Variants in STXBP5 observed in about 807,000 individuals in gnomAD.
The protein encoded by STXBP5 is syntaxin binding protein 5.
Under a neutral mutation model 152.4 loss-of-function variants are expected in STXBP5, and 50 were observed. The observed-to-expected ratio is 0.33, with a 90% CI of 0.26 to 0.42. The LOEUF is 0.42. STXBP5 is among the 10% of genes least tolerant of loss of function. The probability of loss-of-function intolerance (pLI) is 1.00; values close to 1 mark genes in which losing one functional copy is unlikely to be tolerated. For synonymous variants in STXBP5, 492 were observed against 494.7 expected, an observed-to-expected ratio of 0.99 and a Z score of 0.07; for missense variants, 1,167 against 1,388.6, an observed-to-expected ratio of 0.84 and a Z score of 2.54.
chr6:147,205,853 A>C, intron 1 of STXBP5, 118 bp from the exon 2 acceptor site: 1 of 676,870 alleles, frequency 1.5e-6, no homozygotes, highest in Non-Finnish European at 2.6e-6. Flanking sequence ...CAGTAAGTGC[A>C]TGTGTATGTG....
chr6:147,230,839 A>G (rs927756505), intron 2 of STXBP5, among the ~76,000 whole-genome samples: 1 of 151,840 alleles, frequency 6.6e-6, no homozygotes, highest in Non-Finnish European at 1.5e-5. Context: ...ATTTGTAAAA[A>G]CAGAGCTTAT....
chr6:147,363,934 A>G (rs1010362145), intron 24 of STXBP5, 67 bp from the exon 25 acceptor site: 28 of 1,510,436 alleles, frequency 1.9e-5, no homozygotes, highest in Non-Finnish European at 2.4e-5. Context: ...GCCATTTTTA[A>G]CAATGATAGT....
At chr6:147,303,515 C>T (rs1004728384) in intron 9 of STXBP5, among the ~76,000 whole-genome samples, 1 of 152,070 alleles carries the variant, frequency 6.6e-6, no homozygotes, top group South Asian at 2.1e-4. Context: ...GGAGAACTAA[C>T]TAATACAGTA....
Position 147,373,857 on chromosome 6 carries a change from T to G in STXBP5, c.3193+15T>G. 1 of 1,581,474 alleles carries G rather than the reference T, an allele frequency of 6.3e-7. No individual in the cohort carries two copies. Among genetic ancestry groups the G allele is most frequent in the Non-Finnish European group, 8.7e-7 (1 of 1,152,014 alleles). Reference sequence around the variant, plus strand: ...AGAAGAACTATGTAAGTTGATTTATTTAATTCGGATAATATATCTATAAAA... The same window carrying G: ...AGAAGAACTATGTAAGTTGATTTATGTAATTCGGATAATATATCTATAAAA... On this transcript the variant is annotated intron_variant, in intron 26 of 27. Transcript: ENST00000321680.
chr6:147,355,090 C>T (rs1326563058), intron 22 of STXBP5, among the ~76,000 whole-genome samples: 1 of 152,144 alleles, frequency 6.6e-6, no homozygotes, highest in African/African-American at 2.4e-5. Context: ...CAGCACTGTA[C>T]TTGCACTATA....
chr6:147,224,165 C>A (rs1777595084), intron 2 of STXBP5, among the ~76,000 whole-genome samples: 1 of 152,220 alleles, frequency 6.6e-6, no homozygotes, highest in Non-Finnish European at 1.5e-5. Context: ...ATGGCACATG[C>A]CTGTAATCTC....
intron 17 of STXBP5, among the ~76,000 whole-genome samples, chr6:147,326,067 T>A (rs1783239154): frequency 2.0e-5 from 3 of 152,154 alleles, no homozygotes; most frequent in Admixed American, 6.5e-5. Flanking sequence ...ATCCGCAGAT[T>A]TTAGTATCTG....
chr6:147,370,172 A>G (rs1286856113), intron 25 of STXBP5, among the ~76,000 whole-genome samples: 1 of 152,112 alleles, frequency 6.6e-6, no homozygotes, highest in Non-Finnish European at 1.5e-5. Flanking sequence ...TTCTATTTAT[A>G]TAAAAACTCA....
intron 7 of STXBP5, among the ~76,000 whole-genome samples, chr6:147,269,275 G>T (rs1373866575): frequency 6.6e-6 from 1 of 152,158 alleles, no homozygotes; most frequent in Non-Finnish European, 1.5e-5. Flanking sequence ...TGTTGTTGCA[G>T]TGGTGGAACT....
chr6:147,363,506 C>G lies in STXBP5; in HGVS notation c.2717C>G (p.Ser906Cys), dbSNP rs1785158984. The change falls in exon 24 of 28, where the codon TCT becomes TGT. Residue 906 changes from serine to cysteine, a missense_variant. Physicochemically the swap from Ser to Cys is moderately radical, Grantham distance 112. This residue lies in a region of STXBP5 where 833 missense variants were observed against 986.3 expected (regional missense o/e 0.84). Transcript: ENST00000321680. ...CCTGTCTCAGTATCCCCCTCCTCTT[C>G]TCAGGAAATTAGTGAAAACCAGTAT... Reference protein sequence around the residue: ...RRPVSVSPSSSQEISENQYAV... With the variant: ...RRPVSVSPSSCQEISENQYAV... The G allele has an allele frequency of 6.2e-7, 1 of 1,613,948 alleles. No individual in the cohort carries two copies. Among genetic ancestry groups the G allele is most frequent in the Admixed American group, 1.7e-5 (1 of 59,976 alleles).
chr6:147,262,066 T>C (rs984437410), intron 5 of STXBP5, among the ~76,000 whole-genome samples: 2 of 151,980 alleles, frequency 1.3e-5, no homozygotes, highest in Non-Finnish European at 2.9e-5. Context: ...GCAGAAAGTG[T>C]ACTTAATTGT....
intron 9 of STXBP5, among the ~76,000 whole-genome samples, chr6:147,303,693 G>T (rs558723289): frequency 6.6e-6 from 1 of 152,296 alleles, no homozygotes; most frequent in Admixed American, 6.5e-5. Context: ...TCAGAAGACC[G>T]AAAGATATGG....
chr6:147,307,021 G>A (rs539374752), intron 9 of STXBP5, among the ~76,000 whole-genome samples: 46 of 152,300 alleles, frequency 3.0e-4, no homozygotes, highest in African/African-American at 7.7e-4. Context: ...ATGGAGCTGA[G>A]TTTAACAAAT....
At chr6:147,300,736 G>C (rs1448319432) in intron 9 of STXBP5, among the ~76,000 whole-genome samples, 5 of 152,024 alleles carry the variant, frequency 3.3e-5, no homozygotes, top group Non-Finnish European at 5.9e-5. Context: ...TCACGATATG[G>C]GACTGGGCAA....
Position 147,363,077 on chromosome 6 carries a change from G to T in STXBP5, c.2546-258G>T, listed in dbSNP as rs188434703. Among the ~76,000 whole-genome samples, 495 of 152,238 alleles carry T rather than the reference G, an allele frequency of 3.3e-3. 1 individual carries two copies. The highest frequency in any genetic ancestry group is 6.3e-3 in the Admixed American group (96 of 15,288). Reference sequence around the variant, plus strand: ...TTATTCATTTAAAGATCAGATATGTGTTTGCAAAATTTATCATATGTAATT... The same window carrying T: ...TTATTCATTTAAAGATCAGATATGTTTTTGCAAAATTTATCATATGTAATT... On this transcript the variant is annotated intron_variant, in intron 23 of 27. Transcript: ENST00000321680.
chr6:147,387,903 G>A lies in STXBP5; in HGVS notation c.*3148G>A, dbSNP rs1786417989. ...TGTTACATACTTTTAGGTTACAGGG[G>A]TGCTGGGGAGACAGCTGAGGAAAGG... On this transcript the variant is annotated 3_prime_UTR_variant, in exon 28 of 28. Transcript: ENST00000321680. 1 of 151,630 alleles carries A rather than the reference G, an allele frequency of 6.6e-6. No homozygotes were observed. The highest frequency in any genetic ancestry group is 6.6e-5 in the Admixed American group (1 of 15,184). The allele number at this position is 151,630 out of a possible 1,614,324, so 9.4% of individuals were successfully genotyped here. A position where few individuals can be genotyped will look rare whatever the true frequency, so the allele number is the denominator to read the frequency against.
In STXBP5 at chr6:147,372,406, CCTT is replaced by C. The variant is rs1785589035; in HGVS notation, c.3082-1324_3082-1322del. Among the ~76,000 whole-genome samples, 16 of 39,108 alleles carry C rather than the reference CCTT, an allele frequency of 4.1e-4. 6 individuals carry two copies. Among genetic ancestry groups the C allele is most frequent in the African/African-American group, 5.9e-4 (7 of 11,940 alleles). 25.7% of individuals were successfully genotyped at this position (39,108 alleles called of 152,430 possible). ...ATATAAATGTTACTACCGTCCTTTTCCTTTTTTTTTTTTTTTTTTTTTTTTTTT... is the reference window on the plus strand; with the variant it reads ...ATATAAATGTTACTACCGTCCTTTTCTTTTTTTTTTTTTTTTTTTTTTTTT... On this transcript the variant is annotated intron_variant, in intron 25 of 27. Coordinates refer to ENST00000321680, the MANE Select transcript of STXBP5 (RefSeq NM_001127715.4).
intron 6 of STXBP5, among the ~76,000 whole-genome samples, chr6:147,266,265 A>C (rs1251834618): frequency 6.6e-6 from 1 of 152,102 alleles, no homozygotes; most frequent in Non-Finnish European, 1.5e-5. Flanking sequence ...ATGGTGTGGC[A>C]TTTAAAAGTT....
chr6:147,236,572 C>G (rs573656190), intron 3 of STXBP5, among the ~76,000 whole-genome samples: 87 of 140,476 alleles, frequency 6.2e-4, no homozygotes, highest in East Asian at 1.1e-3. Flanking sequence ...TTTAGATTCT[C>G]TAGTTCATAT....
Sources: allele counts gnomAD v4.1 joint callset (sites outside exome capture counted in the v4.1 genomes callset), GRCh38; gene constraint gnomAD v4.1.1; regional missense constraint gnomAD v4.1.1; transcripts MANE v1.5; gene names NCBI Gene and HGNC (gene_info 2026-07-23, HGNC 2026-07-21).